Variants in MYCBP2 observed in about 807,000 individuals in gnomAD.
The protein encoded by MYCBP2 is E3 ubiquitin-protein ligase MYCBP2.
MYCBP2 carries 120 observed loss-of-function variants against 525.3 expected under a neutral mutation model. That is an observed-to-expected ratio of 0.23 (90% CI 0.20 to 0.27). MYCBP2 has a LOEUF of 0.27. Among genes scored for constraint, MYCBP2 ranks in the 10% least tolerant of loss-of-function variants. The probability of loss-of-function intolerance (pLI) is 1.00; values close to 1 mark genes in which losing one functional copy is unlikely to be tolerated. For missense variants in MYCBP2, 4,149 were observed against 5,657.1 expected (o/e 0.73, Z 8.55); for synonymous variants, 1,894 against 1,955.8 (o/e 0.97, Z 0.83).
chr13:77,078,230 G>T (rs1025308689), intron 66 of MYCBP2, among the ~76,000 whole-genome samples: 1 of 152,108 alleles, frequency 6.6e-6, no homozygotes, highest in Non-Finnish European at 1.5e-5. Context: ...TTCCTTCAAT[G>T]TGATTTGAAA....
intron 55 of MYCBP2, chr13:77,118,380 C>G (rs2050136118): frequency 1.3e-6 from 1 of 763,418 alleles, no homozygotes; most frequent in African/African-American, 1.7e-5. Flanking sequence ...GCTGTCCGAA[C>G]ACAAATGGGC....
At chr13:77,186,449 T>C (rs150014334) in intron 30 of MYCBP2, among the ~76,000 whole-genome samples, 132 of 152,280 alleles carry the variant, frequency 8.7e-4, no homozygotes, top group Middle Eastern at 3.4e-3. Flanking sequence ...TAAAGCTTTT[T>C]ACAGTCACTG....
chr13:77,059,806 CA>C (rs1327628015), intron 76 of MYCBP2, among the ~76,000 whole-genome samples, 180 bp from the exon 77 acceptor site: 3 of 151,816 alleles, frequency 2.0e-5, no homozygotes, highest in East Asian at 1.9e-4. Flanking sequence ...TAATGACACA[CA>C]AAAAAAGAAA....
intron 52 of MYCBP2, among the ~76,000 whole-genome samples, chr13:77,131,547 T>G (rs2052845567): frequency 2.0e-5 from 3 of 150,216 alleles, no homozygotes; most frequent in Admixed American, 2.0e-4. Context: ...CACACTTGAA[T>G]AGTGTTCTTT....
At chr13:77,095,912 T>A (rs910377469) in intron 57 of MYCBP2, among the ~76,000 whole-genome samples, 1 of 152,070 alleles carries the variant, frequency 6.6e-6, no homozygotes, top group African/African-American at 2.4e-5. Context: ...TGAAATTTTT[T>A]AGTTAGGTGC....
chr13:77,174,639 G>A (rs2059440105), intron 36 of MYCBP2, 150 bp from the exon 37 acceptor site: 5 of 630,086 alleles, frequency 7.9e-6, no homozygotes, highest in Non-Finnish European at 5.4e-6. Flanking sequence ...AATCAAACAC[G>A]ATGACGGCTA....
At chr13:77,137,042 G>T (rs2053864431) in intron 52 of MYCBP2, among the ~76,000 whole-genome samples, 1 of 152,108 alleles carries the variant, frequency 6.6e-6, no homozygotes, top group African/African-American at 2.4e-5. Flanking sequence ...ACACTCTTGA[G>T]CTGTTTACAT....
At chr13:77,072,060 G>C (rs1004687322) in intron 68 of MYCBP2, among the ~76,000 whole-genome samples, 3 of 151,980 alleles carry the variant, frequency 2.0e-5, no homozygotes, top group African/African-American at 7.2e-5. Flanking sequence ...AGGCCGAGGT[G>C]GGTGGATCAC....
At position 77,227,801 on chromosome 13, in the gene MYCBP2, G is replaced by C. The variant is rs1037440852; in HGVS notation, c.2738-2247C>G. Among the ~76,000 whole-genome samples the C allele has an allele frequency of 2.0e-5, 3 of 152,124 alleles. No individual in the cohort carries two copies. In the South Asian group the frequency reaches 6.2e-4, roughly 31 times the overall value. On this transcript the variant is annotated intron_variant, in intron 18 of 82. Transcript: ENST00000544440. ...AAATATAGGCATAAATCCCACAATA[G>C]AGACATAGCATCAAGGAAGGAGATT... is the stretch of plus-strand genomic sequence containing the variant.
At chr13:77,124,911 G>A (rs1272247131) in intron 54 of MYCBP2, among the ~76,000 whole-genome samples, 2 of 152,128 alleles carry the variant, frequency 1.3e-5, no homozygotes, top group East Asian at 1.9e-4. Context: ...AAGACACTAT[G>A]CATTTATTCA....
At chr13:77,306,944 T>A (rs959603443) in intron 1 of MYCBP2, among the ~76,000 whole-genome samples, 1 of 152,058 alleles carries the variant, frequency 6.6e-6, no homozygotes, top group Non-Finnish European at 1.5e-5. Context: ...CATTAAAATA[T>A]CTGCAGGGAA....
At chr13:77,151,889 A>G (rs1594937397) in intron 46 of MYCBP2, among the ~76,000 whole-genome samples, 1 of 152,316 alleles carries the variant, frequency 6.6e-6, no homozygotes, top group East Asian at 1.9e-4. Context: ...GGCAACCACA[A>G]ATGTACACAC....
chr13:77,297,046 G>C (rs1440665737), intron 1 of MYCBP2, among the ~76,000 whole-genome samples: 1 of 152,106 alleles, frequency 6.6e-6, no homozygotes, highest in Non-Finnish European at 1.5e-5. Context: ...TTGGTAGTGA[G>C]GGCTACGGTG....
intron 3 of MYCBP2, among the ~76,000 whole-genome samples, chr13:77,286,942 T>C (rs1037694856): frequency 2.0e-5 from 3 of 148,258 alleles, no homozygotes; most frequent in South Asian, 4.3e-4. Flanking sequence ...TGGAGTGCAG[T>C]GGCGCCATCT....
intron 47 of MYCBP2, among the ~76,000 whole-genome samples, chr13:77,149,230 G>A (rs997609943): frequency 5.9e-5 from 9 of 152,074 alleles, no homozygotes; most frequent in East Asian, 1.9e-4. Flanking sequence ...AATGTGAATC[G>A]TTTTTCCTTT....
intron 59 of MYCBP2, among the ~76,000 whole-genome samples, chr13:77,091,843 TC>T (rs1281716595): frequency 6.6e-6 from 1 of 152,138 alleles, no homozygotes; most frequent in Non-Finnish European, 1.5e-5. Flanking sequence ...TGCCTCAGCC[TC>T]CTGGATTTTG....
At chr13:77,285,974 G>C (rs894447530) in intron 3 of MYCBP2, among the ~76,000 whole-genome samples, 1 of 152,096 alleles carries the variant, frequency 6.6e-6, no homozygotes, top group Non-Finnish European at 1.5e-5. Context: ...AAGGAAATAA[G>C]AAAAAGAAAA....
intron 54 of MYCBP2, among the ~76,000 whole-genome samples, chr13:77,123,511 A>C (rs1394820704): frequency 6.6e-6 from 1 of 152,226 alleles, no homozygotes; most frequent in Non-Finnish European, 1.5e-5. Context: ...GACCTAACTT[A>C]CCATCCATTA....
chr13:77,193,133 A>C (rs1421001324), intron 27 of MYCBP2, among the ~76,000 whole-genome samples: 1 of 152,180 alleles, frequency 6.6e-6, no homozygotes, highest in Non-Finnish European at 1.5e-5. Flanking sequence ...TGTCTCAAAA[A>C]TAAAAATTAA....
Sources: gnomAD v4.1 joint callset for allele counts (sites outside exome capture counted in the v4.1 genomes callset) on GRCh38, gnomAD v4.1.1 for gene constraint, MANE v1.5 for transcripts, NCBI Gene and HGNC (gene_info 2026-07-23, HGNC 2026-07-21) for gene names.